Variants in PIK3C2G observed in about 807,000 individuals in gnomAD.
PIK3C2G encodes the protein phosphatidylinositol-4-phosphate 3-kinase catalytic subunit type 2 gamma.
Under a neutral mutation model 181.1 loss-of-function variants are expected in PIK3C2G, and 168 were observed. The ratio of observed to expected loss-of-function variants is 0.93; its 90% CI spans 0.82 to 1.05. The LOEUF is 1.05. Among genes scored for constraint, PIK3C2G ranks in the 50% least tolerant of loss-of-function variants. The pLI is 0.00. For synonymous variants in PIK3C2G, 573 were observed against 592.2 expected, an observed-to-expected ratio of 0.97 and a Z score of 0.47; for missense variants, 1,869 against 1,732.8, an observed-to-expected ratio of 1.08 and a Z score of -1.40.
chr12:18,642,674 T>C (rs1251544009), intron 32 of PIK3C2G, among the ~76,000 whole-genome samples: 1 of 152,154 alleles, frequency 6.6e-6, no homozygotes, highest in East Asian at 1.9e-4. Context: ...TTCTAGTATA[T>C]CATAAACTTC....
At chr12:18,339,138 T>C (rs78542802) in intron 9 of PIK3C2G, among the ~76,000 whole-genome samples, 5,145 of 152,252 alleles carry the variant, frequency 0.034, 292 homozygotes, top group African/African-American at 0.12. Flanking sequence ...TCTTTTGAAT[T>C]CTCAGAAATC....
chr12:18,413,844 T>C (rs767029929), intron 16 of PIK3C2G, among the ~76,000 whole-genome samples: 13 of 152,156 alleles, frequency 8.5e-5, no homozygotes, highest in Non-Finnish European at 1.8e-4. Context: ...AGTTTTTCTG[T>C]TACATATGAC....
chr12:18,434,186 T>C (rs370249741), intron 18 of PIK3C2G, among the ~76,000 whole-genome samples: 291 of 152,274 alleles, frequency 1.9e-3, no homozygotes, highest in African/African-American at 6.7e-3. Flanking sequence ...CCTCATGTTG[T>C]AGAATAGTGA....
chr12:18,715,537 A>C, the PIK3C2G span: 1 of 151,910 alleles, frequency 6.6e-6, no homozygotes, highest in Non-Finnish European at 1.5e-5. Context: ...GAGTAGCTGG[A>C]ACTACAGGCG....
At chr12:18,317,308 G>C (rs1207548533) in intron 6 of PIK3C2G, among the ~76,000 whole-genome samples, 1 of 151,910 alleles carries the variant, frequency 6.6e-6, no homozygotes, top group Non-Finnish European at 1.5e-5. Context: ...ACTGTGCCTG[G>C]TCCAAGTCTT....
At chr12:18,583,204 G>C (rs1365444200) in intron 29 of PIK3C2G, among the ~76,000 whole-genome samples, 1 of 152,208 alleles carries the variant, frequency 6.6e-6, no homozygotes, top group Non-Finnish European at 1.5e-5. Context: ...CCCTTGGATA[G>C]AGACAGAGCT....
chr12:18,591,481 T>G (rs1288237452), intron 29 of PIK3C2G, among the ~76,000 whole-genome samples: 1 of 151,718 alleles, frequency 6.6e-6, no homozygotes, highest in Non-Finnish European at 1.5e-5. Context: ...TGACAAACCC[T>G]GGGCAAATGG....
chr12:18,615,169 CT>C (rs1330993027), intron 31 of PIK3C2G, among the ~76,000 whole-genome samples: 1 of 151,776 alleles, frequency 6.6e-6, no homozygotes, highest in Non-Finnish European at 1.5e-5. Flanking sequence ...ATTATTATTC[CT>C]TTGTGTCCTC....
chr12:18,396,665 G>A (rs993475174), intron 15 of PIK3C2G, among the ~76,000 whole-genome samples: 13 of 151,422 alleles, frequency 8.6e-5, no homozygotes, highest in African/African-American at 2.9e-4. Context: ...AATAAATTCT[G>A]TTTTGAAATG....
At chr12:18,707,696 CTA>C in the PIK3C2G span, among the ~76,000 whole-genome samples, 1,103 of 152,204 alleles carry the variant, frequency 7.2e-3, 11 homozygotes, top group African/African-American at 0.025. Flanking sequence ...TAATTATTGT[CTA>C]TGTAATTTCA....
intron 18 of PIK3C2G, among the ~76,000 whole-genome samples, chr12:18,447,097 G>A (rs1407093635): frequency 2.0e-5 from 3 of 152,042 alleles, no homozygotes; most frequent in South Asian, 4.1e-4. Context: ...ACTAAATATT[G>A]TAATAACTTC....
At chr12:18,680,782 A>C in the PIK3C2G span, among the ~76,000 whole-genome samples, 1 of 152,046 alleles carries the variant, frequency 6.6e-6, no homozygotes, top group African/African-American at 2.4e-5. Flanking sequence ...GAAAGGACTC[A>C]CTATTGGATT....
At chr12:18,540,665 G>A (rs1404547922) in intron 25 of PIK3C2G, among the ~76,000 whole-genome samples, 1 of 151,704 alleles carries the variant, frequency 6.6e-6, no homozygotes, top group African/African-American at 2.4e-5. Context: ...AAAATTTCTG[G>A]AATATAGTAT....
At chr12:18,658,718 T>C in the PIK3C2G span, among the ~76,000 whole-genome samples, 3 of 152,152 alleles carry the variant, frequency 2.0e-5, no homozygotes, top group Admixed American at 2.0e-4. Context: ...GCTTGAGTTA[T>C]GCATATAAAT....
chr12:18,705,101 A>G, the PIK3C2G span: 3 of 1,576,390 alleles, frequency 1.9e-6, no homozygotes, highest in Non-Finnish European at 2.6e-6. Context: ...TCACAGGCCA[A>G]TATAACAGTG....
At chr12:18,284,408 T>A (rs978702322) in intron 2 of PIK3C2G, among the ~76,000 whole-genome samples, 2 of 151,438 alleles carry the variant, frequency 1.3e-5, no homozygotes, top group Non-Finnish European at 2.9e-5. Flanking sequence ...TGCCTGCCAA[T>A]GAAAAAAAAA....
chr12:18,705,671 GCTTGT>G, the PIK3C2G span, among the ~76,000 whole-genome samples: 3 of 151,476 alleles, frequency 2.0e-5, no homozygotes, highest in East Asian at 5.9e-4. Context: ...TTCGAGGCCA[GCTTGT>G]CCAGCATAGT....
At chr12:18,624,412 G>A (rs78746809) in intron 31 of PIK3C2G, among the ~76,000 whole-genome samples, 2,952 of 151,756 alleles carry the variant, frequency 0.019, 78 homozygotes, top group African/African-American at 0.067. Flanking sequence ...TCCTTTTAAT[G>A]TGTTATTGAA....
intron 2 of PIK3C2G, among the ~76,000 whole-genome samples, chr12:18,283,872 G>A (rs1452481168): frequency 6.6e-6 from 1 of 152,062 alleles, no homozygotes; most frequent in Non-Finnish European, 1.5e-5. Context: ...AGGCAGTATG[G>A]AACATAAATC....
Sources: allele counts gnomAD v4.1 joint callset (sites outside exome capture counted in the v4.1 genomes callset), GRCh38; gene constraint gnomAD v4.1.1; transcripts MANE v1.5; gene names NCBI Gene and HGNC (gene_info 2026-07-23, HGNC 2026-07-21).